Variants in KHDRBS2 observed in about 807,000 individuals in gnomAD.
The protein encoded by KHDRBS2 is KH RNA binding domain containing, signal transduction associated 2, also known as KH domain-containing, RNA-binding, signal transduction-associated protein 2.
Under a neutral mutation model 44.3 loss-of-function variants are expected in KHDRBS2, and 26 were observed. The ratio of observed to expected loss-of-function variants is 0.59; its 90% CI spans 0.43 to 0.81. The LOEUF is 0.81. Ranked by LOEUF, KHDRBS2 falls within the 40% of genes least tolerant of loss-of-function variation. The pLI is 0.00. For missense variants in KHDRBS2, 476 were observed against 433.1 expected (o/e 1.10, Z -0.88); for synonymous variants, 194 against 151.1 (o/e 1.28, Z -2.08).
At chr6:61,931,792 T>A (rs1810101226) in intron 4 of KHDRBS2, among the ~76,000 whole-genome samples, 1 of 152,084 alleles carries the variant, frequency 6.6e-6, no homozygotes, top group Non-Finnish European at 1.5e-5. Context: ...CTGCCTATCC[T>A]GCCTCCTCTT....
At chr6:61,591,944 T>C in the KHDRBS2 span, among the ~76,000 whole-genome samples, 2 of 151,970 alleles carry the variant, frequency 1.3e-5, no homozygotes, top group African/African-American at 4.8e-5. Flanking sequence ...CCCAGTGCTT[T>C]GGGAAGCCAA....
At chr6:61,771,928 T>A (rs940488529) in intron 6 of KHDRBS2, among the ~76,000 whole-genome samples, 1 of 152,104 alleles carries the variant, frequency 6.6e-6, no homozygotes, top group African/African-American at 2.4e-5. Context: ...ATTGACCACA[T>A]AGTGGGAAGT....
intron 3 of KHDRBS2, among the ~76,000 whole-genome samples, chr6:61,997,558 T>C (rs1320651503): frequency 6.6e-6 from 1 of 152,202 alleles, no homozygotes; most frequent in Non-Finnish European, 1.5e-5. Context: ...GGTGTGATTG[T>C]CATTGCCATC....
At chr6:61,548,674 C>T in the KHDRBS2 span, among the ~76,000 whole-genome samples, 4 of 151,922 alleles carry the variant, frequency 2.6e-5, no homozygotes, top group Non-Finnish European at 4.4e-5. Context: ...ACTGAGGGTC[C>T]AAATGGGTGA....
intron 6 of KHDRBS2, among the ~76,000 whole-genome samples, chr6:61,771,313 C>G (rs1780862012): frequency 6.6e-6 from 1 of 152,120 alleles, no homozygotes. Context: ...ATCATAATGA[C>G]AGGATCAAAT....
intron 2 of KHDRBS2, among the ~76,000 whole-genome samples, chr6:62,056,592 C>T (rs1240159583): frequency 1.3e-5 from 2 of 151,954 alleles, no homozygotes; most frequent in African/African-American, 4.8e-5. Context: ...GAAAGTTAAA[C>T]ATATTATGTT....
chr6:61,637,992 A>C, the KHDRBS2 span, among the ~76,000 whole-genome samples: 2 of 151,658 alleles, frequency 1.3e-5, no homozygotes, highest in African/African-American at 4.8e-5. Flanking sequence ...TTGCCTGTTC[A>C]CTCTGATGGT....
chr6:61,920,123 C>A (rs1219183579), intron 4 of KHDRBS2, among the ~76,000 whole-genome samples: 1 of 151,810 alleles, frequency 6.6e-6, no homozygotes, highest in East Asian at 1.9e-4. Context: ...TGCCAATTTT[C>A]AGAAATTAAA....
intron 2 of KHDRBS2, among the ~76,000 whole-genome samples, chr6:62,175,190 C>G (rs899651174): frequency 6.6e-6 from 1 of 151,566 alleles, no homozygotes; most frequent in African/African-American, 2.4e-5. Flanking sequence ...CACTCTTTTT[C>G]TATCAAAAAG....
chr6:61,668,515 T>C, the KHDRBS2 span, among the ~76,000 whole-genome samples: 2 of 150,786 alleles, frequency 1.3e-5, no homozygotes, highest in African/African-American at 4.8e-5. Flanking sequence ...TATTCAGGAG[T>C]TGAATGTTCT....
intron 2 of KHDRBS2, among the ~76,000 whole-genome samples, chr6:62,106,587 A>C (rs1176432802): frequency 1.3e-5 from 2 of 152,138 alleles, no homozygotes; most frequent in South Asian, 2.1e-4. Flanking sequence ...AAAAAGAGGG[A>C]ATCCTCCCTA....
intron 3 of KHDRBS2, among the ~76,000 whole-genome samples, chr6:62,043,964 C>A (rs1394200164): frequency 6.6e-6 from 1 of 151,780 alleles, no homozygotes; most frequent in African/African-American, 2.4e-5. Context: ...TTACACTGGT[C>A]AATATGTTTA....
chr6:61,584,956 T>G, the KHDRBS2 span, among the ~76,000 whole-genome samples: 1 of 152,092 alleles, frequency 6.6e-6, no homozygotes, highest in Non-Finnish European at 1.5e-5. Flanking sequence ...TATTGACACT[T>G]GAGATTTTTT....
At chr6:61,958,325 AG>A (rs1449726084) in intron 4 of KHDRBS2, among the ~76,000 whole-genome samples, 1 of 152,152 alleles carries the variant, frequency 6.6e-6, no homozygotes, top group Admixed American at 6.6e-5. Context: ...GAAGAGGAGT[AG>A]GTTCCCCTCT....
intron 6 of KHDRBS2, among the ~76,000 whole-genome samples, chr6:61,771,189 C>T (rs1394893335): frequency 6.6e-6 from 1 of 152,146 alleles, no homozygotes; most frequent in Non-Finnish European, 1.5e-5. Flanking sequence ...GAAGGAAGCA[C>T]TAAACATGGA....
intron 4 of KHDRBS2, among the ~76,000 whole-genome samples, chr6:61,910,635 G>T (rs369947884): frequency 1.8e-3 from 277 of 152,198 alleles, no homozygotes; most frequent in African/African-American, 6.2e-3. Context: ...TGTTTTATTT[G>T]ATTTTATTTA....
At chr6:61,626,304 A>G in the KHDRBS2 span, among the ~76,000 whole-genome samples, 1 of 152,224 alleles carries the variant, frequency 6.6e-6, no homozygotes, top group African/African-American at 2.4e-5. Context: ...AGGTAGATAC[A>G]TGTGAGTATT....
At chr6:61,690,055 A>G (rs1767223274) in intron 8 of KHDRBS2, among the ~76,000 whole-genome samples, 2 of 151,998 alleles carry the variant, frequency 1.3e-5, no homozygotes, top group South Asian at 4.1e-4. Context: ...TGCTTGATAA[A>G]TCAAGTGTAG....
At chr6:61,882,246 C>T (rs1436495780) in intron 6 of KHDRBS2, among the ~76,000 whole-genome samples, 1 of 152,090 alleles carries the variant, frequency 6.6e-6, no homozygotes, top group Admixed American at 6.6e-5. Flanking sequence ...CCCCCAGCAA[C>T]CTGAACCTTC....
Sources: gnomAD v4.1 joint callset for allele counts (sites outside exome capture counted in the v4.1 genomes callset) on GRCh38, gnomAD v4.1.1 for gene constraint, MANE v1.5 for transcripts, NCBI Gene and HGNC (gene_info 2026-07-23, HGNC 2026-07-21) for gene names.